Variants in MLXIPL observed in about 807,000 individuals in gnomAD.
The protein encoded by MLXIPL is carbohydrate-responsive element-binding protein.
A neutral mutation model predicts 81.5 loss-of-function variants in MLXIPL; 49 were observed. The observed-to-expected ratio is 0.60, with a 90% CI of 0.48 to 0.76. MLXIPL has a LOEUF of 0.76. Among genes scored for constraint, MLXIPL ranks in the 30% least tolerant of loss-of-function variants. The pLI is 0.00. For synonymous variants in MLXIPL, 466 were observed against 485.5 expected, an observed-to-expected ratio of 0.96 and a Z score of 0.53; for missense variants, 1,053 against 1,167.0, an observed-to-expected ratio of 0.90 and a Z score of 1.42.
chr7:73,606,136 C>T (rs1554598070), intron 5 of MLXIPL, 25 bp from the exon 6 acceptor site: 2 of 1,555,954 alleles, frequency 1.3e-6, no homozygotes, highest in South Asian at 2.4e-5. Flanking sequence ...CCGTCAGCAG[C>T]CGCTAGAGAG....
chr7:73,615,976 G>A, intron 2 of MLXIPL, 95 bp downstream of exon 2: 2 of 996,390 alleles, frequency 2.0e-6, no homozygotes, highest in Non-Finnish European at 3.2e-6. Context: ...AGGACCCCGG[G>A]GATTTTCCTG....
chr7:73,599,415 C>T, intron 8 of MLXIPL, 111 bp downstream of exon 8: 1 of 1,376,710 alleles, frequency 7.3e-7, no homozygotes, highest in Non-Finnish European at 1.0e-6. Flanking sequence ...CTCCAATCTC[C>T]AAGCAGAAGA....
intron 1 of MLXIPL, among the ~76,000 whole-genome samples, chr7:73,616,602 C>T (rs1584140399): frequency 6.6e-6 from 1 of 152,126 alleles, no homozygotes. Context: ...CATCCCAGAA[C>T]TTTGCGGGGC....
At chr7:73,602,772 C>T (rs1312631695) in intron 7 of MLXIPL, among the ~76,000 whole-genome samples, 2 of 152,210 alleles carry the variant, frequency 1.3e-5, no homozygotes, top group Non-Finnish European at 2.9e-5. Context: ...GTCCCCGAGG[C>T]CCTGGCTCTA....
rs72649039 is a variant in MLXIPL, at chr7:73,613,761, T to G, written c.400+2310A>C. 9.7e-4 allele frequency among the ~76,000 whole-genome samples: 148 copies of G among 152,296 alleles called. 1 individual carries two copies. Among genetic ancestry groups the G allele is most frequent in the Non-Finnish European group, 1.6e-3 (111 of 68,028 alleles). On this transcript the variant is annotated intron_variant, in intron 2 of 16. Coordinates refer to ENST00000313375, the MANE Select transcript of MLXIPL (RefSeq NM_032951.3). ...TGTCTGATTCCGAACCTGGGGTCCT[T>G]CCAGCAACTTGTGCAATAGCTGGAG...
intron 2 of MLXIPL, among the ~76,000 whole-genome samples, chr7:73,613,212 G>A (rs533465754): frequency 1.3e-5 from 2 of 152,240 alleles, no homozygotes; most frequent in African/African-American, 4.8e-5. Flanking sequence ...GAGGAGGAGG[G>A]GTCTTGACAT....
the MLXIPL span, among the ~76,000 whole-genome samples, chr7:73,639,558 C>T: frequency 1.9e-4 from 28 of 150,848 alleles, no homozygotes; most frequent in Non-Finnish European, 3.4e-4. Context: ...GCAGGAGGAT[C>T]GTCTGAGCTC....
chr7:73,607,959 C>A (rs371441081), intron 2 of MLXIPL, among the ~76,000 whole-genome samples: 1 of 148,880 alleles, frequency 6.7e-6, no homozygotes, highest in Non-Finnish European at 1.5e-5. Flanking sequence ...TGGGTTCAAG[C>A]GATTCTCCTG....
At position 73,616,060 on chromosome 7, in the gene MLXIPL, TAGCC is replaced by T; in HGVS notation, c.400+7_400+10del. On this transcript the variant is annotated splice_region_variant and intron_variant, in intron 2 of 16. Transcript: ENST00000313375. ...CCCTCCCGGCTTGGGAGGCTGGTGGTAGCCACTCACACTGGATATACCAGGCCCT... is the reference window on the plus strand; with the variant it reads ...CCCTCCCGGCTTGGGAGGCTGGTGGTACTCACACTGGATATACCAGGCCCT... 1 of 1,609,810 alleles carries T rather than the reference TAGCC, an allele frequency of 6.2e-7. No homozygotes were observed. Among genetic ancestry groups the T allele is most frequent in the Non-Finnish European group, 8.5e-7 (1 of 1,176,320 alleles).
intron 15 of MLXIPL, 33 bp from the exon 16 acceptor site, chr7:73,594,436 A>G (rs1312107459): frequency 1.9e-6 from 3 of 1,599,186 alleles, no homozygotes; most frequent in Non-Finnish European, 2.5e-6. Flanking sequence ...CCTGTGGTCC[A>G]GCTGGTCCCC....
At chr7:73,639,943 T>C in the MLXIPL span, among the ~76,000 whole-genome samples, 2 of 151,892 alleles carry the variant, frequency 1.3e-5, no homozygotes, top group Non-Finnish European at 2.9e-5. Context: ...TGGGCGCCTG[T>C]AGTCCCAGCT....
At chr7:73,632,441 G>A in the MLXIPL span, among the ~76,000 whole-genome samples, 10 of 152,140 alleles carry the variant, frequency 6.6e-5, no homozygotes, top group Non-Finnish European at 1.2e-4. Flanking sequence ...AACCGACTTT[G>A]CACCCATATA....
At chr7:73,618,208 T>C (rs568733562) in intron 1 of MLXIPL, among the ~76,000 whole-genome samples, 4 of 152,330 alleles carry the variant, frequency 2.6e-5, no homozygotes, top group African/African-American at 7.2e-5. Flanking sequence ...ATGATTCTCG[T>C]GCCTCAGCCC....
In MLXIPL at chr7:73,597,295, G is replaced by T; in HGVS notation, c.1490C>A (p.Ala497Asp). The change falls in exon 9 of 17, where the codon GCC becomes GAC. Residue 497 changes from alanine (A) to aspartate (D), a missense_variant. Around this residue, in one of 3 missense-constraint regions of MLXIPL, gnomAD observed 823 missense variants for 933.0 expected, o/e 0.88. Transcript: ENST00000313375. ...CFSMPRGKPP[A>D]PSPRGQKASP... ...GGCTTTCTGTCCCCTAGGGGATGGG[G>T]CGGGGGGCTTGCCTCTGGGCATGGA... 6.4e-7 allele frequency: 1 copy of T among 1,568,686 alleles called. No homozygotes were observed. The highest frequency in any genetic ancestry group is 1.8e-5 in the Admixed American group (1 of 55,534).
chr7:73,631,213 T>G, the MLXIPL span, among the ~76,000 whole-genome samples: 4 of 152,074 alleles, frequency 2.6e-5, no homozygotes, highest in African/African-American at 7.2e-5. Context: ...GGTTTCACTG[T>G]GTTAGCCAGG....
At position 73,623,246 on chromosome 7, in the gene MLXIPL, A is replaced by G. The variant is rs1796498691; in HGVS notation, c.293+954T>C. ...TGTAGCCAGCGGTTCTCAGAAGGGG[A>G]GGAGGCGCCGCGGAGGAAGAGGAAT... On this transcript the variant is annotated intron_variant, in intron 1 of 16. Transcript: ENST00000313375. This position sits in a 1 kb window ranked among gnomAD's most constrained non-coding sequence, Gnocchi z 5.7. 1.3e-5 allele frequency among the ~76,000 whole-genome samples: 2 copies of G among 152,226 alleles called. No individual in the cohort carries two copies. The highest frequency in any genetic ancestry group is 2.9e-5 in the Non-Finnish European group (2 of 68,042).
intron 7 of MLXIPL, among the ~76,000 whole-genome samples, chr7:73,600,791 C>T (rs1253696219): frequency 6.6e-6 from 1 of 151,010 alleles, no homozygotes; most frequent in Non-Finnish European, 1.5e-5. Flanking sequence ...GGGAAGCCTG[C>T]GAGAGCTGGG....
At chr7:73,636,304 G>A in the MLXIPL span, among the ~76,000 whole-genome samples, 1 of 151,998 alleles carries the variant, frequency 6.6e-6, no homozygotes, top group Non-Finnish European at 1.5e-5. Context: ...CACCTACTCA[G>A]GAGGCTGAGG....
chr7:73,593,898 T>A lies in MLXIPL; in HGVS notation c.2526A>T (p.Ala842=). Reference sequence around the variant, plus strand: ...GTTTGCCAAGGGTGCCCTCTGTGACTGCCCGTGTGGCTTGCTCAGGGATGC... The same window carrying A: ...GTTTGCCAAGGGTGCCCTCTGTGACAGCCCGTGTGGCTTGCTCAGGGATGC... ...PGRIPEQATR[A]VTEGTLGKPL The change falls in exon 17 of 17, where the codon GCA becomes GCT. Residue 842 remains alanine, a synonymous_variant. Transcript: ENST00000313375. 1 of 1,614,134 alleles carries A rather than the reference T, an allele frequency of 6.2e-7. No homozygotes were observed. The highest frequency in any genetic ancestry group is 8.5e-7 in the Non-Finnish European group (1 of 1,180,004).
Sources: gnomAD v4.1 joint callset for allele counts (sites outside exome capture counted in the v4.1 genomes callset) on GRCh38, gnomAD v4.1.1 for gene constraint, gnomAD v4.1.1 regional missense constraint, Gnocchi (gnomAD v3.1) non-coding constraint, MANE v1.5 for transcripts, NCBI Gene and HGNC (gene_info 2026-07-23, HGNC 2026-07-21) for gene names.